The following MEIKIN variants were observed in gnomAD, a reference collection of about 807,000 sequenced individuals.
MEIKIN encodes meiosis-specific kinetochore protein.
chr5:131,813,865 G>A (rs1457757298), intron 12 of MEIKIN, among the ~76,000 whole-genome samples: 1 of 152,130 alleles, frequency 6.6e-6, no homozygotes, highest in East Asian at 1.9e-4. Flanking sequence ...GTTTATTAAG[G>A]AGTATTAACT....
At chr5:131,824,649 AATAG>A (rs1749580104) in intron 11 of MEIKIN, among the ~76,000 whole-genome samples, 3 of 152,216 alleles carry the variant, frequency 2.0e-5, no homozygotes, top group Admixed American at 2.0e-4. Flanking sequence ...TAAGAAGCAG[AATAG>A]ATAGATAAAG....
intron 4 of MEIKIN, among the ~76,000 whole-genome samples, chr5:131,941,468 T>G (rs1751869424): frequency 6.6e-6 from 1 of 152,176 alleles, no homozygotes; most frequent in African/African-American, 2.4e-5. Context: ...CCAAGATCTC[T>G]TCTATTACAG....
intron 4 of MEIKIN, among the ~76,000 whole-genome samples, chr5:131,935,286 A>AG (rs1561759705): frequency 1.3e-5 from 2 of 149,016 alleles, no homozygotes; most frequent in South Asian, 2.2e-4. Context: ...AAAAAAAAAA[A>AG]AAAGAAAGAA....
chr5:131,837,852 C>G (rs1413961102), intron 11 of MEIKIN, among the ~76,000 whole-genome samples: 1 of 152,028 alleles, frequency 6.6e-6, no homozygotes, highest in Non-Finnish European at 1.5e-5. Context: ...CCTTTATTTC[C>G]TTCTCTCACC....
intron 5 of MEIKIN, among the ~76,000 whole-genome samples, chr5:131,931,997 C>T (rs1470325052): frequency 6.6e-6 from 1 of 152,160 alleles, no homozygotes; most frequent in East Asian, 1.9e-4. Flanking sequence ...GTAGGGTCTT[C>T]CACCTGGTCA....
chr5:131,850,551 G>C (rs1326827905), intron 11 of MEIKIN, among the ~76,000 whole-genome samples: 5 of 152,052 alleles, frequency 3.3e-5, no homozygotes, highest in Non-Finnish European at 7.4e-5. Flanking sequence ...TTTTTGGCAA[G>C]GGGGCCAGAC....
At chr5:131,850,561 C>T (rs758041122) in intron 11 of MEIKIN, among the ~76,000 whole-genome samples, 1 of 152,026 alleles carries the variant, frequency 6.6e-6, no homozygotes, top group African/African-American at 2.4e-5. Context: ...GGGGGCCAGA[C>T]CATTCAATGG....
Position 131,944,765 on chromosome 5 carries a change from C to T in MEIKIN, c.201-13G>A, listed in dbSNP as rs373189056. 59 of 399,080 alleles carry T rather than the reference C, an allele frequency of 1.5e-4. No homozygotes were observed. The South Asian group carries it at 6.6e-3, about 45-fold the overall frequency. 24.7% of individuals were successfully genotyped at this position (399,080 alleles called of 1,614,324 possible). ...TCCTAAGCGAGGGCTAACAAAGAGA[C>T]AACGCAATTAGTTTGCACCATCTGG... On this transcript the variant is annotated splice_polypyrimidine_tract_variant and intron_variant, in intron 2 of 12. Coordinates refer to ENST00000442687, the MANE Select transcript of MEIKIN (RefSeq NM_001303622.2).
chr5:131,835,799 T>A (rs1749795336), intron 11 of MEIKIN, among the ~76,000 whole-genome samples: 1 of 152,224 alleles, frequency 6.6e-6, no homozygotes, highest in Middle Eastern at 3.2e-3. Context: ...TTCACTGTGT[T>A]AGCCAGGATG....
intron 11 of MEIKIN, among the ~76,000 whole-genome samples, chr5:131,845,842 G>A (rs1317100959): frequency 2.6e-5 from 4 of 152,010 alleles, no homozygotes; most frequent in African/African-American, 9.7e-5. Flanking sequence ...GTCCCAGAAG[G>A]AAAAGAATGA....
intron 5 of MEIKIN, among the ~76,000 whole-genome samples, chr5:131,925,637 T>C (rs772935225): frequency 1.6e-4 from 24 of 152,146 alleles, no homozygotes; most frequent in Non-Finnish European, 3.4e-4. Flanking sequence ...ACCAAATTCA[T>C]TTAATCGTTC....
At chr5:131,867,856 G>T (rs1334462709) in intron 9 of MEIKIN, among the ~76,000 whole-genome samples, 1 of 152,174 alleles carries the variant, frequency 6.6e-6, no homozygotes, top group Non-Finnish European at 1.5e-5. Context: ...ACTTTGTGTG[G>T]ATACAATTTT....
Position 131,931,322 on chromosome 5 carries a change from C to T in MEIKIN, c.478+2191G>A, listed in dbSNP as rs577422443. The stretch of plus-strand genomic sequence containing the variant: ...AACTCTTTCTCTCCCGAGGGAGAAG[C>T]TGGAATCTTTTTTTTTCCCCCACTC... On this transcript the variant is annotated intron_variant, in intron 5 of 12. Coordinates refer to ENST00000442687, the MANE Select transcript of MEIKIN (RefSeq NM_001303622.2). Among the ~76,000 whole-genome samples the T allele has an allele frequency of 9.2e-5, 14 of 152,320 alleles. No individual in the cohort carries two copies. The East Asian group carries it at 2.7e-3, about 29-fold the overall frequency.
At chr5:131,898,407 T>C (rs956443655) in intron 8 of MEIKIN, among the ~76,000 whole-genome samples, 1 of 152,224 alleles carries the variant, frequency 6.6e-6, no homozygotes, top group Non-Finnish European at 1.5e-5. Context: ...AGGCAGTCTG[T>C]CCATTCTCAG....
rs191409561 is a variant in MEIKIN at position 131,892,544 on chromosome 5, G to A, written c.704-13496C>T. Reference sequence around the variant, plus strand: ...CTTATGCATTCGTCACGTAGTTCTTGTGCCGTGGTTTTCAGCTCCATCAGG... The same window carrying A: ...CTTATGCATTCGTCACGTAGTTCTTATGCCGTGGTTTTCAGCTCCATCAGG... On this transcript the variant is annotated intron_variant, in intron 8 of 12. Coordinates refer to ENST00000442687, the MANE Select transcript of MEIKIN (RefSeq NM_001303622.2). 3.2e-3 allele frequency among the ~76,000 whole-genome samples: 484 copies of A among 152,256 alleles called. 3 individuals carry two copies. Among genetic ancestry groups the A allele is most frequent in the African/African-American group, 0.011 (461 of 41,548 alleles).
chr5:131,882,472 T>C (rs1201903830), intron 8 of MEIKIN, among the ~76,000 whole-genome samples: 1 of 152,236 alleles, frequency 6.6e-6, no homozygotes, highest in East Asian at 1.9e-4. Context: ...CTCAGATTTA[T>C]ATTTAGATTA....
chr5:131,830,009 A>C (rs1561724984), intron 11 of MEIKIN, among the ~76,000 whole-genome samples: 1 of 152,240 alleles, frequency 6.6e-6, no homozygotes, highest in Non-Finnish European at 1.5e-5. Flanking sequence ...GAAGTAAACA[A>C]GATAATAATT....
At chr5:131,914,300 CT>C (rs1751376777) in intron 7 of MEIKIN, among the ~76,000 whole-genome samples, 1 of 150,822 alleles carries the variant, frequency 6.6e-6, no homozygotes, top group Admixed American at 6.6e-5. Context: ...TGGAGGATCA[CT>C]TGAACCCAGG....
At chr5:131,818,598 T>C (rs1293289354) in intron 12 of MEIKIN, 142 bp downstream of exon 12, 4 of 348,380 alleles carry the variant, frequency 1.1e-5, no homozygotes, top group African/African-American at 6.3e-5. Context: ...GACCAGGCTT[T>C]TATAATTTTA....
Sources: gnomAD v4.1 joint callset for allele counts (sites outside exome capture counted in the v4.1 genomes callset) on GRCh38, gnomAD v4.1.1 for gene constraint, MANE v1.5 for transcripts, NCBI Gene and HGNC (gene_info 2026-07-23, HGNC 2026-07-21) for gene names.